Variants in TJP2 observed in about 807,000 individuals in gnomAD.
TJP2 encodes Friedreich ataxia region gene X104 (tight junction protein ZO-2).
A neutral mutation model predicts 133.1 loss-of-function variants in TJP2; 91 were observed. That is an observed-to-expected ratio of 0.68 (90% confidence interval 0.58 to 0.81). The LOEUF (loss-of-function observed/expected upper bound fraction) is 0.81, where lower values mean the gene tolerates loss of function less well. Among genes scored for constraint, TJP2 ranks in the 40% least tolerant of loss-of-function variants. The pLI, the probability that TJP2 is intolerant of heterozygous loss-of-function variation, is 0.00. For synonymous variants in TJP2, 592 were observed against 583.4 expected (o/e 1.01, Z -0.21); for missense variants, 1,541 against 1,565.6 (o/e 0.98, Z 0.26).
rs745497849 is a variant in TJP2, at chr9:69,205,286, A to G, written c.61-7262A>G. The G allele has an allele frequency of 3.3e-6, 5 of 1,536,906 alleles. No individual in the cohort carries two copies. The South Asian group carries it at 6.0e-5, about 18-fold the overall frequency. On this transcript the variant is annotated intron_variant, in intron 1 of 22. Transcript: ENST00000377245. ...GTTTTCCCCAACCTTTCTTCATGGG[A>G]AGGGGAGGGAAGCAAAACCATTCTC...
At chr9:69,172,170 TAATA>T (rs1403663415), upstream of TJP2, among the ~76,000 whole-genome samples, 1 of 152,236 alleles carries the variant, frequency 6.6e-6, no homozygotes, top group Non-Finnish European at 1.5e-5. Context: ...AGAAGATGAC[TAATA>T]AATTGTTTCT....
In TJP2 at chr9:69,230,167, G is replaced by C; in HGVS notation, c.1606G>C (p.Ala536Pro). 6.2e-7 allele frequency: 1 copy of C among 1,614,194 alleles called. No individual in the cohort carries two copies. Among genetic ancestry groups the C allele is most frequent in the Non-Finnish European group, 8.5e-7 (1 of 1,180,032 alleles). The change falls in exon 11 of 23, where the codon GCT becomes CCT. Residue 536 changes from alanine (A) to proline (P), a missense_variant. Physicochemically the swap from Ala to Pro is conservative, Grantham distance 27 (BLOSUM62 -1). Coordinates refer to ENST00000377245, the MANE Select transcript of TJP2 (RefSeq NM_004817.4). ...TGGCAATGATGTCGGGATATTTGTT[G>C]CTGGCATTCAAGAAGGGACCTCGGC... Reference protein sequence around the residue: ...AGGNDVGIFVAGIQEGTSAEQ... With the variant: ...AGGNDVGIFVPGIQEGTSAEQ...
At chr9:69,148,897 G>A (rs1823341018) in intron 1 of TJP2, among the ~76,000 whole-genome samples, 1 of 152,162 alleles carries the variant, frequency 6.6e-6, no homozygotes, top group African/African-American at 2.4e-5. Flanking sequence ...CTCGGTTTCA[G>A]TATAGCCACA....
chr9:69,145,442 G>T (rs1048829464), intron 1 of TJP2: 1 of 243,824 alleles, frequency 4.1e-6, no homozygotes, highest in Non-Finnish European at 7.8e-6. Flanking sequence ...GTTTAAAACC[G>T]CAGTCATTCC....
exon 1 of TJP2, chr9:69,121,573 T>C (rs1822142528): frequency 6.3e-6 from 1 of 158,864 alleles, no homozygotes; most frequent in Non-Finnish European, 1.3e-5. Flanking sequence ...CACTCCGGCT[T>C]GGGTGAAGTG....
In TJP2 at chr9:69,228,831, C is replaced by T. The variant is rs149810886; in HGVS notation, c.1454-353C>T. ...TCCCATCCTTGATCCTGACCTCTTC[C>T]CCCAACCCTTCCCCACCACCCTACA... is the stretch of plus-strand genomic sequence containing the variant. On this transcript the variant is annotated intron_variant, in intron 9 of 22. Coordinates refer to ENST00000377245, the MANE Select transcript of TJP2 (RefSeq NM_004817.4). Among the ~76,000 whole-genome samples the T allele has an allele frequency of 9.2e-5, 14 of 152,192 alleles. No homozygotes were observed. In the East Asian group the frequency reaches 2.7e-3, roughly 29 times the overall value.
chr9:69,203,607 ATTTTTTT>A (rs754221310), intron 1 of TJP2, among the ~76,000 whole-genome samples: 48 of 67,836 alleles, frequency 7.1e-4, no homozygotes, highest in South Asian at 1.2e-3. Flanking sequence ...CCCAGCCTGG[ATTTTTTT>A]TTTTTTTTTT....
In TJP2 at chr9:69,221,043, C is replaced by G. The variant is rs967520708; in HGVS notation, c.499C>G (p.Arg167Gly). The change falls in exon 5 of 23, where the codon CGC (arginine) becomes GGC (glycine). Residue 167 changes from arginine to glycine, a missense_variant. By Grantham distance (125) the Arg-to-Gly change is moderately radical. Coordinates refer to ENST00000377245, the MANE Select transcript of TJP2 (RefSeq NM_004817.4). ...ERSRLNSHGG[R>G]SRSWEDSPER... ...GAGCCGGCTGAACAGCCATGGGGGG[C>G]GCAGCCGCAGCTGGGAGGACAGCCC... 3 of 1,605,364 alleles carry G rather than the reference C, an allele frequency of 1.9e-6. No individual in the cohort carries two copies.
chr9:69,182,906 A>G (rs1208615906), intron 1 of TJP2, among the ~76,000 whole-genome samples: 1 of 149,650 alleles, frequency 6.7e-6, no homozygotes, highest in African/African-American at 2.5e-5. Context: ...CTCCGGCCTC[A>G]GCCTCCCGAG....
intron 8 of TJP2, 39 bp from the exon 9 acceptor site, chr9:69,227,942 G>T: frequency 1.2e-6 from 2 of 1,614,104 alleles, no homozygotes; most frequent in Non-Finnish European, 1.7e-6. Context: ...TTATGAAACT[G>T]TTATCTCTTG....
intron 17 of TJP2, among the ~76,000 whole-genome samples, chr9:69,241,115 T>C (rs1830553753): frequency 6.6e-6 from 1 of 152,248 alleles, no homozygotes; most frequent in African/African-American, 2.4e-5. Context: ...TCTGTACTTT[T>C]GTACATATTT....
rs187802005 is a variant in TJP2, at chr9:69,238,872, A to G, written c.2355+83A>G. 283 of 1,148,694 alleles carry G rather than the reference A, an allele frequency of 2.5e-4. 1 individual carries two copies. The highest frequency in any genetic ancestry group is 1.3e-4 in the Admixed American group (7 of 52,090). 71.2% of individuals were successfully genotyped at this position (1,148,694 alleles called of 1,614,324 possible). On this transcript the variant is annotated intron_variant, in intron 16 of 22. Coordinates refer to ENST00000377245, the MANE Select transcript of TJP2 (RefSeq NM_004817.4). The stretch of plus-strand genomic sequence containing the variant: ...CAGTCACTTTTAGGATAGTATCTGT[A>G]CTTTTAATCATTAAATGTTAATAAT...
intron 5 of TJP2, among the ~76,000 whole-genome samples, chr9:69,223,069 GA>G (rs57114714): frequency 2.1e-4 from 24 of 114,116 alleles, no homozygotes; most frequent in African/African-American, 6.1e-4. Flanking sequence ...ACTCTGTCTT[GA>G]AAAAAAAAAA....
At chr9:69,249,318 T>G (rs1408378092) in intron 19 of TJP2, 57 bp from the exon 20 acceptor site, 8 of 1,558,282 alleles carry the variant, frequency 5.1e-6, no homozygotes, top group Non-Finnish European at 7.0e-6. Flanking sequence ...AGCAGTCGAG[T>G]GCTCTGTTCT....
At chr9:69,203,142 C>A (rs1020221583) in intron 1 of TJP2, among the ~76,000 whole-genome samples, 3 of 151,956 alleles carry the variant, frequency 2.0e-5, no homozygotes, top group African/African-American at 7.3e-5. Context: ...GAACCCTCCC[C>A]GAGTTGCCTG....
intron 19 of TJP2, chr9:69,248,902 T>C (rs1831121397): frequency 9.1e-6 from 9 of 991,796 alleles, no homozygotes; most frequent in Non-Finnish European, 1.1e-5. Flanking sequence ...TAATTATTGC[T>C]GTGGATTTCT....
intron 15 of TJP2, 76 bp downstream of exon 15, chr9:69,238,049 T>C (rs1269878121): frequency 2.9e-6 from 3 of 1,028,074 alleles, no homozygotes; most frequent in Admixed American, 1.8e-5. Context: ...GGAAGAATCA[T>C]GAACACCCAC....
intron 1 of TJP2, among the ~76,000 whole-genome samples, chr9:69,149,683 C>T (rs1823377642): frequency 6.6e-6 from 1 of 152,308 alleles, no homozygotes; most frequent in East Asian, 1.9e-4. Flanking sequence ...CCGAGTGAAG[C>T]TGCCTTCACA....
chr9:69,220,692 T>C (rs1310675284), intron 4 of TJP2, among the ~76,000 whole-genome samples, 195 bp from the exon 5 acceptor site: 1 of 152,246 alleles, frequency 6.6e-6, no homozygotes, highest in Non-Finnish European at 1.5e-5. Flanking sequence ...GGCCCTGTAC[T>C]CAGAGCTTCA....
Sources: allele counts gnomAD v4.1 joint callset (sites outside exome capture counted in the v4.1 genomes callset), GRCh38; gene constraint gnomAD v4.1.1; transcripts MANE v1.5; gene names NCBI Gene and HGNC (gene_info 2026-07-23, HGNC 2026-07-21).